The following CCSER1 variants were observed in gnomAD, a reference collection of about 807,000 sequenced individuals.
The protein encoded by CCSER1 is coiled-coil serine rich protein 1, also known as serine-rich coiled-coil domain-containing protein 1.
In CCSER1, 41 loss-of-function variants were observed where a neutral mutation model predicts 82.0. That is an observed-to-expected ratio of 0.50 (90% CI 0.39 to 0.65). The LOEUF (loss-of-function observed/expected upper bound fraction) is 0.65. Among genes scored for constraint, CCSER1 ranks in the 30% least tolerant of loss-of-function variants. The pLI is 0.00. For synonymous variants in CCSER1, 414 were observed against 383.9 expected (o/e 1.08, Z -0.92); for missense variants, 1,119 against 1,064.2 (o/e 1.05, Z -0.72).
intron 10 of CCSER1, among the ~76,000 whole-genome samples, chr4:91,413,922 C>T (rs1681229874): frequency 6.6e-6 from 1 of 151,808 alleles, no homozygotes; most frequent in African/African-American, 2.4e-5. Flanking sequence ...AAACTATCAA[C>T]CAGAAATACT....
chr4:91,170,378 C>A (rs757596894), intron 10 of CCSER1, among the ~76,000 whole-genome samples: 23 of 152,028 alleles, frequency 1.5e-4, no homozygotes, highest in Admixed American at 3.3e-4. Flanking sequence ...AAAGCATATG[C>A]CAATGAAGCA....
intron 10 of CCSER1, among the ~76,000 whole-genome samples, chr4:91,569,903 G>A (rs1763084796): frequency 6.6e-6 from 1 of 152,100 alleles, no homozygotes; most frequent in East Asian, 1.9e-4. Flanking sequence ...AAAGTCTCAT[G>A]GGAGACAAGG....
chr4:91,291,729 C>T (rs908528261), intron 10 of CCSER1, among the ~76,000 whole-genome samples: 2 of 151,956 alleles, frequency 1.3e-5, no homozygotes, highest in Non-Finnish European at 2.9e-5. Flanking sequence ...GCCCCACCTC[C>T]AACAGTGGGG....
At chr4:90,365,630 C>T (rs1746156059) in intron 3 of CCSER1, among the ~76,000 whole-genome samples, 1 of 151,720 alleles carries the variant, frequency 6.6e-6, no homozygotes, top group Non-Finnish European at 1.5e-5. Flanking sequence ...GGTTATTGGA[C>T]AAGACAATCC....
chr4:91,224,954 A>G (rs991859444), intron 10 of CCSER1, among the ~76,000 whole-genome samples: 16 of 151,524 alleles, frequency 1.1e-4, no homozygotes, highest in African/African-American at 3.6e-4. Flanking sequence ...AATATCTGCA[A>G]ATTTATCCAT....
chr4:91,317,203 G>T (rs985028135), intron 10 of CCSER1, among the ~76,000 whole-genome samples: 2 of 151,550 alleles, frequency 1.3e-5, no homozygotes, highest in African/African-American at 4.8e-5. Context: ...AAAAGATAAA[G>T]AATGTGTAAC....
At chr4:91,022,064 A>G (rs1055637985) in intron 9 of CCSER1, among the ~76,000 whole-genome samples, 3 of 151,902 alleles carry the variant, frequency 2.0e-5, no homozygotes, top group Non-Finnish European at 4.4e-5. Flanking sequence ...GGTTAGTTAC[A>G]TATGTATACA....
intron 10 of CCSER1, among the ~76,000 whole-genome samples, chr4:91,512,112 T>C (rs1759858897): frequency 6.6e-6 from 1 of 152,168 alleles, no homozygotes; most frequent in Non-Finnish European, 1.5e-5. Context: ...TAGAGATCTG[T>C]GATGGTTGAT....
intron 10 of CCSER1, among the ~76,000 whole-genome samples, chr4:91,373,847 T>C (rs1750209383): frequency 6.6e-6 from 1 of 152,162 alleles, no homozygotes; most frequent in South Asian, 2.1e-4. Context: ...TAGAGGAAAT[T>C]AAAAATGCTA....
At chr4:91,039,753 T>C (rs1741795488) in intron 9 of CCSER1, among the ~76,000 whole-genome samples, 1 of 151,938 alleles carries the variant, frequency 6.6e-6, no homozygotes. Flanking sequence ...GAATTATATA[T>C]GTATATATAA....
chr4:90,308,209 T>C, intron 1 of CCSER1, 35 bp from the exon 2 acceptor site: 1 of 1,391,628 alleles, frequency 7.2e-7, no homozygotes, highest in Non-Finnish European at 9.5e-7. Context: ...AGTTGAATTC[T>C]ATTGACTTGT....
chr4:91,153,099 G>A (rs187410205), intron 10 of CCSER1, among the ~76,000 whole-genome samples: 8 of 152,084 alleles, frequency 5.3e-5, no homozygotes, highest in Admixed American at 2.0e-4. Flanking sequence ...ATATCCCGCA[G>A]AGTGTTTTCC....
Position 90,308,915 on chromosome 4 carries a change from T to C in CCSER1, c.631T>C (p.Leu211=), listed in dbSNP as rs202076608. ...ATTGGTACAACAGTCTGAATTCTCA[T>C]TGGAAGTTACACAGTACCAAGAGAG... ...ISLVQQSEFS[L]EVTQYQEREP... is the part of the protein sequence containing the mutation. Residue 211 remains leucine, a synonymous_variant, in exon 2 of 11, where the codon TTG becomes CTG. Transcript: ENST00000509176. 8.1e-5 allele frequency: 130 copies of C among 1,613,886 alleles called. No individual in the cohort carries two copies. In the East Asian group the frequency reaches 8.5e-4, roughly 11 times the overall value.
intron 8 of CCSER1, among the ~76,000 whole-genome samples, chr4:90,838,504 CTTT>C (rs1343343578): frequency 3.3e-5 from 5 of 150,590 alleles, no homozygotes; most frequent in Admixed American, 6.6e-5. Context: ...AGTTTTTAAA[CTTT>C]TTATTTGCAT....
At chr4:90,406,978 C>T (rs1264706758) in intron 4 of CCSER1, among the ~76,000 whole-genome samples, 1 of 151,958 alleles carries the variant, frequency 6.6e-6, no homozygotes, top group East Asian at 1.9e-4. Context: ...CAAACACACA[C>T]CCAGCAGAAG....
At chr4:90,227,494 A>G (rs1021619908) in intron 1 of CCSER1, among the ~76,000 whole-genome samples, 1 of 152,242 alleles carries the variant, frequency 6.6e-6, no homozygotes, top group Admixed American at 6.5e-5. Flanking sequence ...GTGGATATAC[A>G]TCAGTATTTA....
At chr4:91,376,805 T>C (rs907781342) in intron 10 of CCSER1, among the ~76,000 whole-genome samples, 10 of 152,252 alleles carry the variant, frequency 6.6e-5, no homozygotes, top group African/African-American at 2.4e-4. Context: ...ATGTGCACAA[T>C]GTGCAGGTTT....
intron 4 of CCSER1, among the ~76,000 whole-genome samples, chr4:90,427,055 G>C (rs1456008819): frequency 1.3e-5 from 2 of 152,040 alleles, no homozygotes; most frequent in African/African-American, 4.8e-5. Flanking sequence ...ATCAAAGACA[G>C]CTTCCTTTCT....
intron 10 of CCSER1, among the ~76,000 whole-genome samples, chr4:91,577,137 T>C (rs1299200047): frequency 6.6e-6 from 1 of 152,010 alleles, no homozygotes; most frequent in Non-Finnish European, 1.5e-5. Context: ...AGAAACCTGA[T>C]ATTAACACAG....
Sources: gnomAD v4.1 joint callset for allele counts (sites outside exome capture counted in the v4.1 genomes callset) on GRCh38, gnomAD v4.1.1 for gene constraint, MANE v1.5 for transcripts, NCBI Gene and HGNC (gene_info 2026-07-23, HGNC 2026-07-21) for gene names.